RANBP2: variants seen among roughly 807,000 people sequenced by gnomAD.
RANBP2 encodes the protein RAN binding protein 2.
In RANBP2, 57 loss-of-function variants were observed where a neutral mutation model predicts 303.6. That is an observed-to-expected ratio of 0.19 (90% CI 0.15 to 0.23). The LOEUF is 0.23. Ranked by LOEUF, RANBP2 falls within the 10% of genes least tolerant of loss-of-function variation. The pLI is 1.00. For missense variants in RANBP2, 3,138 were observed against 3,780.8 expected (o/e 0.83, Z 4.46); for synonymous variants, 1,167 against 1,301.5 (o/e 0.90, Z 2.23).
chr2:109,402,970 C>T, the RANBP2 span, among the ~76,000 whole-genome samples: 6 of 152,108 alleles, frequency 3.9e-5, no homozygotes, highest in Non-Finnish European at 7.4e-5. Flanking sequence ...TGCTGTCCAA[C>T]GCATCGACTG....
chr2:109,490,399 G>A, the RANBP2 span, among the ~76,000 whole-genome samples: 5 of 152,300 alleles, frequency 3.3e-5, no homozygotes, highest in South Asian at 2.1e-4. Flanking sequence ...TGGTTCACCC[G>A]TGGGAACTGG....
At chr2:109,656,252 TGAATG>T in the RANBP2 span, among the ~76,000 whole-genome samples, 6 of 152,236 alleles carry the variant, frequency 3.9e-5, no homozygotes, top group African/African-American at 1.4e-4. Flanking sequence ...AAATGTTTCT[TGAATG>T]AGTAAAGTGT....
chr2:108,944,950 T>G, the RANBP2 span, among the ~76,000 whole-genome samples: 1 of 152,170 alleles, frequency 6.6e-6, no homozygotes, highest in Non-Finnish European at 1.5e-5. Flanking sequence ...TGTCCCTGCT[T>G]GGATGTTTCC....
the RANBP2 span, among the ~76,000 whole-genome samples, chr2:109,680,918 T>C: frequency 6.6e-6 from 1 of 152,240 alleles, no homozygotes; most frequent in African/African-American, 2.4e-5. Context: ...GTTGACATTA[T>C]CTATGAAAGT....
the RANBP2 span, among the ~76,000 whole-genome samples, chr2:109,109,044 G>C: frequency 6.6e-6 from 1 of 152,092 alleles, no homozygotes; most frequent in African/African-American, 2.4e-5. Context: ...TATATTACTT[G>C]GTCCATTTAC....
the RANBP2 span, among the ~76,000 whole-genome samples, chr2:109,405,420 C>T: frequency 6.6e-6 from 1 of 152,198 alleles, no homozygotes; most frequent in Non-Finnish European, 1.5e-5. Context: ...GGGGAGCCTT[C>T]AGACTGGCCC....
chr2:109,297,537 A>G, the RANBP2 span, among the ~76,000 whole-genome samples: 1 of 144,400 alleles, frequency 6.9e-6, no homozygotes, highest in African/African-American at 2.5e-5. Context: ...CACCCAGGCC[A>G]GTGCCCCCCA....
At chr2:109,173,467 G>C in the RANBP2 span, among the ~76,000 whole-genome samples, 1 of 152,186 alleles carries the variant, frequency 6.6e-6, no homozygotes, top group African/African-American at 2.4e-5. Context: ...AGTTGACTCT[G>C]CCTTACCCAC....
At chr2:109,425,300 G>C in the RANBP2 span, among the ~76,000 whole-genome samples, 1 of 152,242 alleles carries the variant, frequency 6.6e-6, no homozygotes, top group Non-Finnish European at 1.5e-5. Context: ...AGCAGCAAGT[G>C]CTGATGGAAA....
the RANBP2 span, chr2:108,876,273 T>C: frequency 4.8e-6 from 7 of 1,466,598 alleles, no homozygotes; most frequent in Admixed American, 7.6e-5. Flanking sequence ...TTTTTTAATA[T>C]AGTATATGTG....
At chr2:109,418,907 C>G in the RANBP2 span, among the ~76,000 whole-genome samples, 1 of 152,188 alleles carries the variant, frequency 6.6e-6, no homozygotes, top group South Asian at 2.1e-4. Context: ...CTTGGCAAGA[C>G]CATGGTGCCA....
the RANBP2 span, among the ~76,000 whole-genome samples, chr2:109,509,423 C>T: frequency 1.6e-4 from 25 of 152,254 alleles, no homozygotes; most frequent in Middle Eastern, 3.4e-3. Flanking sequence ...GTTGAAGTTG[C>T]AGCAGGGTTG....
At chr2:109,475,882 A>G in the RANBP2 span, among the ~76,000 whole-genome samples, 7 of 152,168 alleles carry the variant, frequency 4.6e-5, no homozygotes, top group African/African-American at 1.2e-4. Flanking sequence ...TAAGCAACTC[A>G]TTTCTCTTTC....
chr2:109,656,908 G>A, the RANBP2 span, among the ~76,000 whole-genome samples: 1 of 152,172 alleles, frequency 6.6e-6, no homozygotes, highest in Non-Finnish European at 1.5e-5. Flanking sequence ...AGAAAAAGTA[G>A]GGCGGTTCAT....
At chr2:109,424,506 C>T in the RANBP2 span, among the ~76,000 whole-genome samples, 1 of 152,180 alleles carries the variant, frequency 6.6e-6, no homozygotes, top group African/African-American at 2.4e-5. Context: ...AGCTTCGGGG[C>T]AACCCAGCAT....
the RANBP2 span, among the ~76,000 whole-genome samples, chr2:108,888,947 C>T: frequency 2.0e-5 from 3 of 152,010 alleles, no homozygotes; most frequent in Admixed American, 1.3e-4. Context: ...TTGCTGTAAA[C>T]TTCCCCCTTT....
chr2:109,597,935 CAGGCCCCT>C, the RANBP2 span, among the ~76,000 whole-genome samples: 5 of 152,308 alleles, frequency 3.3e-5, no homozygotes, highest in East Asian at 9.7e-4. Flanking sequence ...TCTTTTCCAA[CAGGCCCCT>C]AGGTAACAAT....
At chr2:108,907,847 G>A in the RANBP2 span, 22 of 1,613,310 alleles carry the variant, frequency 1.4e-5, no homozygotes, top group East Asian at 4.9e-4. Flanking sequence ...CATGGCACCT[G>A]CAGGAGCCTC....
chr2:109,473,583 A>G, the RANBP2 span, among the ~76,000 whole-genome samples: 2 of 152,218 alleles, frequency 1.3e-5, no homozygotes, highest in African/African-American at 4.8e-5. Context: ...TCTGGGATTC[A>G]AAGAAGATGG....
Sources: allele counts gnomAD v4.1 joint callset (sites outside exome capture counted in the v4.1 genomes callset), GRCh38; gene constraint gnomAD v4.1.1; transcripts MANE v1.5; gene names NCBI Gene and HGNC (gene_info 2026-07-23, HGNC 2026-07-21).